PTPN4: variants seen among roughly 807,000 people sequenced by gnomAD.
PTPN4 encodes the protein protein tyrosine phosphatase non-receptor type 4, also known as tyrosine-protein phosphatase non-receptor type 4.
A neutral mutation model predicts 135.5 loss-of-function variants in PTPN4; 49 were observed. That is an observed-to-expected ratio of 0.36 (90% CI 0.29 to 0.46). PTPN4 has a LOEUF of 0.46. Ranked by LOEUF, PTPN4 falls within the 20% of genes least tolerant of loss-of-function variation. The pLI is 1.00. For missense variants in PTPN4, 860 were observed against 1,101.0 expected (o/e 0.78, Z 3.10); for synonymous variants, 333 against 369.9 (o/e 0.90, Z 1.14).
At chr2:119,948,245 CAGAAA>C (rs1027795383) in intron 18 of PTPN4, among the ~76,000 whole-genome samples, 3 of 151,858 alleles carry the variant, frequency 2.0e-5, no homozygotes, top group African/African-American at 7.2e-5. Flanking sequence ...ATATCTAAAA[CAGAAA>C]AGAATAACAA....
At chr2:119,789,402 T>C (rs1047257146) in intron 1 of PTPN4, among the ~76,000 whole-genome samples, 1 of 152,238 alleles carries the variant, frequency 6.6e-6, no homozygotes, top group Non-Finnish European at 1.5e-5. Flanking sequence ...TGGTGTCCTT[T>C]GACAGACAAA....
At chr2:119,839,348 G>C (rs1446310676) in intron 2 of PTPN4, among the ~76,000 whole-genome samples, 4 of 152,156 alleles carry the variant, frequency 2.6e-5, no homozygotes, top group Non-Finnish European at 5.9e-5. Flanking sequence ...TATACTCGCA[G>C]AAGATTTATA....
At chr2:119,835,395 G>A (rs989304414) in intron 2 of PTPN4, among the ~76,000 whole-genome samples, 1 of 152,074 alleles carries the variant, frequency 6.6e-6, no homozygotes, top group Non-Finnish European at 1.5e-5. Context: ...ATCTTGGCCA[G>A]GGTGGTCTTG....
chr2:119,769,923 G>A (rs1414842967), intron 1 of PTPN4, among the ~76,000 whole-genome samples: 1 of 152,104 alleles, frequency 6.6e-6, no homozygotes, highest in Non-Finnish European at 1.5e-5. Flanking sequence ...AGTTAAATTT[G>A]TATCTTGTGT....
chr2:119,809,843 T>C lies in PTPN4; in HGVS notation c.-11T>C. On this transcript the variant is annotated 5_prime_UTR_variant, in exon 2 of 27. Coordinates refer to ENST00000263708, the MANE Select transcript of PTPN4 (RefSeq NM_002830.4). ...TTTTTTTTTTTTAACTTAGACTTTGTGTGGACAGTAATGACCTCACGTTTC... is the reference window on the plus strand; with the variant it reads ...TTTTTTTTTTTTAACTTAGACTTTGCGTGGACAGTAATGACCTCACGTTTC... The C allele has an allele frequency of 5.1e-6, 8 of 1,577,164 alleles. No individual in the cohort carries two copies. The highest frequency in any genetic ancestry group is 6.8e-6 in the Non-Finnish European group (8 of 1,168,414).
At chr2:119,788,256 T>C (rs992958742) in intron 1 of PTPN4, among the ~76,000 whole-genome samples, 2 of 152,112 alleles carry the variant, frequency 1.3e-5, no homozygotes, top group African/African-American at 4.8e-5. Flanking sequence ...ATTGAGTGTA[T>C]TTATTTAGAA....
At chr2:119,830,649 G>A (rs1317949468) in intron 2 of PTPN4, among the ~76,000 whole-genome samples, 4 of 152,054 alleles carry the variant, frequency 2.6e-5, no homozygotes, top group South Asian at 2.1e-4. Context: ...TTTATTTTTA[G>A]TAGAGACGGG....
At chr2:119,820,835 T>C (rs1188638542) in intron 2 of PTPN4, among the ~76,000 whole-genome samples, 1 of 149,776 alleles carries the variant, frequency 6.7e-6, no homozygotes, top group Non-Finnish European at 1.5e-5. Context: ...CTTGCACATA[T>C]ATATATGTAT....
intron 10 of PTPN4, among the ~76,000 whole-genome samples, chr2:119,901,039 A>C (rs754946734): frequency 4.6e-5 from 7 of 152,254 alleles, no homozygotes; most frequent in Non-Finnish European, 8.8e-5. Flanking sequence ...AATTTTTGAA[A>C]GATGATCAGA....
intron 2 of PTPN4, among the ~76,000 whole-genome samples, chr2:119,856,716 T>G (rs1011088387): frequency 1.6e-4 from 24 of 152,130 alleles, no homozygotes; most frequent in Admixed American, 3.3e-4. Context: ...TTAACAGACT[T>G]ATTGGTAGTA....
In PTPN4 at chr2:119,767,410, A is replaced by C. The variant is rs560965482; in HGVS notation, c.-18+7026A>C. 3.3e-5 allele frequency among the ~76,000 whole-genome samples: 5 copies of C among 152,346 alleles called. No homozygotes were observed. In the South Asian group the frequency reaches 8.3e-4, roughly 25 times the overall value. The stretch of plus-strand genomic sequence containing the variant: ...ATCACTACTAAATATTTTAGTGTGT[A>C]TTTAGCAAAACAGGACAATCTCCTA... On this transcript the variant is annotated intron_variant, in intron 1 of 26. Coordinates refer to ENST00000263708, the MANE Select transcript of PTPN4 (RefSeq NM_002830.4).
At chr2:119,911,620 G>A (rs2105022723) in intron 10 of PTPN4, among the ~76,000 whole-genome samples, 1 of 152,026 alleles carries the variant, frequency 6.6e-6, no homozygotes, top group East Asian at 1.9e-4. Context: ...CTTCTCTTCA[G>A]CTTTGTACAC....
chr2:119,955,278 G>C lies in PTPN4; in HGVS notation c.1935G>C (p.Gln645His). The change falls in exon 20 of 27, where the codon CAG becomes CAC. Residue 645 changes from glutamine (Q) to histidine (H), a missense_variant. Physicochemically the swap from Gln to His is conservative, Grantham distance 24. Around this residue, in one of 2 missense-constraint regions of PTPN4, gnomAD observed 684 missense variants for 807.0 expected, o/e 0.85. Transcript: ENST00000263708. ...DDHSLRESMI[Q>H]LAEGLITGTV... ...ATTCCCTGCGGGAGTCAATGATCCA[G>C]CTAGCTGAGGGGCTTATCACTGGAA... 6.2e-7 allele frequency: 1 copy of C among 1,613,336 alleles called. No individual in the cohort carries two copies. The highest frequency in any genetic ancestry group is 8.5e-7 in the Non-Finnish European group (1 of 1,179,692).
At chr2:119,826,600 A>G (rs1456429541) in intron 2 of PTPN4, among the ~76,000 whole-genome samples, 1 of 152,210 alleles carries the variant, frequency 6.6e-6, no homozygotes, top group Non-Finnish European at 1.5e-5. Context: ...CTTCCTTACA[A>G]TACACAGTAC....
chr2:119,911,734 T>A (rs1306844444), intron 10 of PTPN4, among the ~76,000 whole-genome samples: 1 of 152,028 alleles, frequency 6.6e-6, no homozygotes, highest in East Asian at 1.9e-4. Flanking sequence ...GATAAGAATA[T>A]ATATATAGAT....
intron 2 of PTPN4, among the ~76,000 whole-genome samples, chr2:119,859,543 CCTGT>C: frequency 6.6e-6 from 1 of 152,172 alleles, no homozygotes; most frequent in East Asian, 1.9e-4. Flanking sequence ...TCTTCTTCCT[CCTGT>C]CTGTTTGGGA....
intron 22 of PTPN4, among the ~76,000 whole-genome samples, chr2:119,958,355 TAATG>T (rs1679319799): frequency 6.9e-6 from 1 of 144,334 alleles, no homozygotes; most frequent in South Asian, 2.2e-4. Context: ...ACAATGAAAA[TAATG>T]GATGAAGGAC....
chr2:119,808,102 A>G (rs12309920), intron 1 of PTPN4, among the ~76,000 whole-genome samples: 4 of 152,234 alleles, frequency 2.6e-5, no homozygotes, highest in Admixed American at 1.3e-4. Context: ...ATTTATGACA[A>G]ACCCACAGCC....
rs188051114 is a variant in PTPN4 at position 119,941,105 on chromosome 2, G to A, written c.1356-3976G>A. Among the ~76,000 whole-genome samples the A allele has an allele frequency of 3.3e-5, 5 of 152,138 alleles. No homozygotes were observed. The East Asian group carries it at 5.8e-4, about 18-fold the overall frequency. On this transcript the variant is annotated intron_variant, in intron 15 of 26. Coordinates refer to ENST00000263708, the MANE Select transcript of PTPN4 (RefSeq NM_002830.4). ...ATTCTCTTATACTTGGCAGATTTTT[G>A]TGTGTGTGCACTTAGAAATAGTATT...
Sources: gnomAD v4.1 joint callset for allele counts (sites outside exome capture counted in the v4.1 genomes callset) on GRCh38, gnomAD v4.1.1 for gene constraint, gnomAD v4.1.1 regional missense constraint, MANE v1.5 for transcripts, NCBI Gene and HGNC (gene_info 2026-07-23, HGNC 2026-07-21) for gene names.